CROCC2: variants seen among roughly 807,000 people sequenced by gnomAD.
CROCC2 encodes ciliary rootlet coiled-coil, rootletin family member 2, also known as ciliary rootlet coiled-coil protein 2.
In CROCC2, 163 loss-of-function variants were observed where a neutral mutation model predicts 177.6. That is an observed-to-expected ratio of 0.92 (90% CI 0.81 to 1.05). The LOEUF (loss-of-function observed/expected upper bound fraction) is 1.05, where lower values mean the gene tolerates loss of function less well. Among genes scored for constraint, CROCC2 ranks in the 50% least tolerant of loss-of-function variants. The probability of loss-of-function intolerance (pLI) is 0.00; values close to 1 mark genes in which losing one functional copy is unlikely to be tolerated. For missense variants in CROCC2, 1,929 were observed against 1,797.8 expected, an observed-to-expected ratio of 1.07 and a Z score of -1.32; for synonymous variants, 904 against 787.3, an observed-to-expected ratio of 1.15 and a Z score of -2.48.
chr2:240,944,069 T>C (rs1226256410), intron 14 of CROCC2, among the ~76,000 whole-genome samples: 2 of 152,232 alleles, frequency 1.3e-5, no homozygotes, highest in East Asian at 1.9e-4. Flanking sequence ...GTTTTTACTT[T>C]TGAAGAATGT....
At chr2:240,942,288 C>T (rs1413894062) in intron 14 of CROCC2, among the ~76,000 whole-genome samples, 1 of 152,052 alleles carries the variant, frequency 6.6e-6, no homozygotes, top group African/African-American at 2.4e-5. Flanking sequence ...TATTTTTAAC[C>T]ATTCACACAC....
intron 6 of CROCC2, 124 bp downstream of exon 6, chr2:240,930,393 G>A (rs58367661): frequency 0.014 from 5,935 of 427,120 alleles, 287 homozygotes; most frequent in African/African-American, 0.11. Flanking sequence ...CTGGCCTGCC[G>A]GCTTCTCACC....
At chr2:240,945,309 C>G (rs772508862) in intron 14 of CROCC2, among the ~76,000 whole-genome samples, 7 of 152,152 alleles carry the variant, frequency 4.6e-5, no homozygotes, top group Non-Finnish European at 8.8e-5. Flanking sequence ...TGGGATGATT[C>G]GCACGTGAGC....
At chr2:240,988,651 GAGGCAACCCT>G in intron 28 of CROCC2, 78 bp from the exon 29 acceptor site, 1 of 1,260,604 alleles carries the variant, frequency 7.9e-7, no homozygotes, top group Admixed American at 4.0e-5. Flanking sequence ...GTCCTTCCCA[GAGGCAACCCT>G]GTGCTCCCAG....
chr2:240,925,890 C>CA lies in CROCC2; in HGVS notation c.645+12dup. 1 of 708,244 alleles carries CA rather than the reference C, an allele frequency of 1.4e-6. No homozygotes were observed. Among genetic ancestry groups the CA allele is most frequent in the Non-Finnish European group, 2.6e-6 (1 of 380,876 alleles). 43.9% of individuals were successfully genotyped at this position (708,244 alleles called of 1,614,324 possible). On this transcript the variant is annotated intron_variant, in intron 5 of 31. Transcript: ENST00000690015. ...CTGGGCCCAGAGACAGGTGCTCCCCCAACCCTTGCTCACCTCATGGCGGCC... is the reference window on the plus strand; with the variant it reads ...CTGGGCCCAGAGACAGGTGCTCCCCCAAACCCTTGCTCACCTCATGGCGGCC...
intron 26 of CROCC2, 137 bp downstream of exon 26, chr2:240,967,602 A>G (rs988404754): frequency 6.8e-7 from 1 of 1,481,440 alleles, no homozygotes; most frequent in Non-Finnish European, 9.0e-7. Flanking sequence ...GCAACACCCA[A>G]ACCACCAGGC....
At chr2:240,968,850 T>C (rs1030966819) in intron 27 of CROCC2, among the ~76,000 whole-genome samples, 1 of 151,858 alleles carries the variant, frequency 6.6e-6, no homozygotes, top group Non-Finnish European at 1.5e-5. Flanking sequence ...CAGGCAGTGG[T>C]GGATGGAGGC....
Position 240,972,527 on chromosome 2 carries a change from C to T in CROCC2, c.4401+4265C>T, listed in dbSNP as rs1456161009. Among the ~76,000 whole-genome samples the T allele has an allele frequency of 6.6e-6, 1 of 152,028 alleles. No homozygotes were observed. Among genetic ancestry groups the T allele is most frequent in the East Asian group, 1.9e-4 (1 of 5,172 alleles). On this transcript the variant is annotated intron_variant, in intron 27 of 31. Coordinates refer to ENST00000690015, the MANE Select transcript of CROCC2 (RefSeq NM_001351305.2). This position sits in a 1 kb window ranked among gnomAD's most constrained non-coding sequence, Gnocchi z 7.1. ...AACACCCCTGCAGCTCCCTCCAGCC[C>T]TCGCCCTTCTGAGTCAGGGTATGGG...
At chr2:240,950,290 C>A (rs1346877651) in intron 17 of CROCC2, 44 bp from the exon 18 acceptor site, 1 of 1,527,980 alleles carries the variant, frequency 6.5e-7, no homozygotes, top group Non-Finnish European at 8.8e-7. Context: ...AACTGCTGGC[C>A]TCACCTGCCG....
At chr2:240,963,221 C>T (rs2059654856) in intron 20 of CROCC2, 2 of 340,706 alleles carry the variant, frequency 5.9e-6, no homozygotes, top group South Asian at 1.5e-4. Context: ...AGTGACAGTG[C>T]AGACACGTGT....
chr2:240,926,222 C>G (rs769042996), intron 5 of CROCC2, among the ~76,000 whole-genome samples: 2 of 152,234 alleles, frequency 1.3e-5, no homozygotes, highest in Non-Finnish European at 2.9e-5. Flanking sequence ...ACTTCAGGAG[C>G]AGGGACCTTG....
In CROCC2 at chr2:240,938,457, A is replaced by G. The variant is rs1020146612; in HGVS notation, c.2169+2869A>G. On this transcript the variant is annotated intron_variant, in intron 14 of 31. Transcript: ENST00000690015. The stretch of plus-strand genomic sequence containing the variant: ...TCACCAAAACCACACTGTCTTGATT[A>G]TGATAGCTTTTTAGTAAGTCTTGAA... Among the ~76,000 whole-genome samples the G allele has an allele frequency of 3.9e-5, 6 of 152,242 alleles. 1 individual carries two copies. Among genetic ancestry groups the G allele is most frequent in the Admixed American group, 3.9e-4 (6 of 15,282 alleles).
In CROCC2 at chr2:240,973,932, C is replaced by T. The variant is rs1027940586; in HGVS notation, c.4401+5670C>T. 5.3e-5 allele frequency among the ~76,000 whole-genome samples: 8 copies of T among 152,230 alleles called. No homozygotes were observed. The highest frequency in any genetic ancestry group is 1.9e-4 in the African/African-American group (8 of 41,452). ...CCTGTACATATTCCGCAGCTGTCAT[C>T]ATAAAGAATACACTTTAATTCCCTT... On this transcript the variant is annotated intron_variant, in intron 27 of 31. Coordinates refer to ENST00000690015, the MANE Select transcript of CROCC2 (RefSeq NM_001351305.2). The surrounding 1 kb of genome is among the most constrained non-coding windows in gnomAD (Gnocchi z 4.7).
chr2:240,989,686 C>T lies in CROCC2; in HGVS notation c.4716C>T (p.Thr1572=), dbSNP rs1245008527. ...AQMTEMEQAH[T]QRLQDLTAQH... ...TGACAGAGATGGAGCAGGCCCACAC[C>T]CAGCGGCTCCAGGACCTGACAGCTC... The change falls in exon 30 of 32, where the codon ACC becomes ACT. Residue 1572 remains threonine, a synonymous_variant. Transcript: ENST00000690015. The T allele has an allele frequency of 6.5e-7, 1 of 1,549,708 alleles. No individual in the cohort carries two copies. Among genetic ancestry groups the T allele is most frequent in the South Asian group, 1.2e-5 (1 of 84,028 alleles).
rs1409309885 is a variant in CROCC2, at chr2:240,960,880, G to A, written c.3087+1436G>A. 2.0e-5 allele frequency among the ~76,000 whole-genome samples: 3 copies of A among 151,242 alleles called. No homozygotes were observed. The highest frequency in any genetic ancestry group is 4.9e-5 in the African/African-American group (2 of 41,070). On this transcript the variant is annotated intron_variant, in intron 20 of 31. Transcript: ENST00000690015. This position sits in a 1 kb window ranked among gnomAD's most constrained non-coding sequence, Gnocchi z 5.0. ...AGTCAGGCCCGGTCAGCGACCACAC[G>A]GGGAAGCAAAACGAGATTGCAAAAC...
chr2:240,959,498 G>C (rs557476860), intron 20 of CROCC2, 54 bp downstream of exon 20: 78 of 1,533,938 alleles, frequency 5.1e-5, no homozygotes, highest in Admixed American at 8.2e-5. Flanking sequence ...GGAGAAAGCA[G>C]GGCAGGTACC....
Position 240,918,772 on chromosome 2 carries a change from G to A in CROCC2, c.125G>A (p.Arg42Gln), listed in dbSNP as rs997179151. 49 of 588,230 alleles carry A rather than the reference G, an allele frequency of 8.3e-5. No homozygotes were observed. The highest frequency in any genetic ancestry group is 5.7e-4 in the East Asian group (18 of 31,504). The allele number at this position is 588,230 out of a possible 1,614,324, so 36.4% of individuals were successfully genotyped here. A position where few individuals can be genotyped will look rare whatever the true frequency, so the allele number is the denominator to read the frequency against. Residue 42 changes from arginine (R) to glutamine (Q), a missense_variant, in exon 2 of 32, where the codon CGG becomes CAG. Coordinates refer to ENST00000690015, the MANE Select transcript of CROCC2 (RefSeq NM_001351305.2). The surrounding 1 kb of genome is among the most constrained non-coding windows in gnomAD (Gnocchi z 6.3). Reference sequence around the variant, plus strand: ...AGTCCCACAGCCAGCAGGGAAGACCGGGCGCTGACCGTGCGTGGGGAAGGC... The same window carrying A: ...AGTCCCACAGCCAGCAGGGAAGACCAGGCGCTGACCGTGCGTGGGGAAGGC... ...ILSPTASRED[R>Q]ALTVRGEGRQ...
intron 14 of CROCC2, among the ~76,000 whole-genome samples, chr2:240,942,321 A>G (rs972319868): frequency 6.6e-6 from 1 of 152,216 alleles, no homozygotes; most frequent in Non-Finnish European, 1.5e-5. Flanking sequence ...ATCTTTTCAC[A>G]AACATTTCAG....
rs971986530 is a variant in CROCC2, at chr2:240,917,679, G to A, written c.79-1047G>A. On this transcript the variant is annotated intron_variant, in intron 1 of 31. Coordinates refer to ENST00000690015, the MANE Select transcript of CROCC2 (RefSeq NM_001351305.2). The surrounding 1 kb of genome is among the most constrained non-coding windows in gnomAD (Gnocchi z 4.9). ...TGGCGTGCCATGCTGGAGAGCCCTAGGAGTGGACATCCCCTCCCAGCTTCC... is the reference window on the plus strand; with the variant it reads ...TGGCGTGCCATGCTGGAGAGCCCTAAGAGTGGACATCCCCTCCCAGCTTCC... 2.0e-5 allele frequency among the ~76,000 whole-genome samples: 3 copies of A among 152,158 alleles called. No individual in the cohort carries two copies. The highest frequency in any genetic ancestry group is 4.8e-5 in the African/African-American group (2 of 41,438).
Sources: gnomAD v4.1 joint callset for allele counts (sites outside exome capture counted in the v4.1 genomes callset) on GRCh38, gnomAD v4.1.1 for gene constraint, Gnocchi (gnomAD v3.1) non-coding constraint, MANE v1.5 for transcripts, NCBI Gene and HGNC (gene_info 2026-07-23, HGNC 2026-07-21) for gene names.